PAPPA2: variants seen among roughly 807,000 people sequenced by gnomAD.
PAPPA2 encodes the protein pappalysin 2.
PAPPA2 carries 86 observed loss-of-function variants against 176.4 expected under a neutral mutation model. The ratio of observed to expected loss-of-function variants is 0.49; its 90% CI spans 0.41 to 0.58. The LOEUF (loss-of-function observed/expected upper bound fraction) is 0.58. Ranked by LOEUF, PAPPA2 falls within the 20% of genes least tolerant of loss-of-function variation. The probability of loss-of-function intolerance (pLI) is 0.00; values close to 1 mark genes in which losing one functional copy is unlikely to be tolerated. For missense variants in PAPPA2, 2,073 were observed against 2,256.9 expected (o/e 0.92, Z 1.65); for synonymous variants, 809 against 852.2 (o/e 0.95, Z 0.88).
At chr1:176,618,282 T>A (rs1184772540) in intron 3 of PAPPA2, among the ~76,000 whole-genome samples, 8 of 152,194 alleles carry the variant, frequency 5.3e-5, no homozygotes, top group Admixed American at 5.2e-4. Flanking sequence ...GAGTCCCATT[T>A]TGTCAAAACA....
At chr1:176,661,044 C>G (rs1658331268) in intron 3 of PAPPA2, among the ~76,000 whole-genome samples, 1 of 152,060 alleles carries the variant, frequency 6.6e-6, no homozygotes, top group South Asian at 2.1e-4. Context: ...ATGAATACCT[C>G]TTATGATTCT....
At chr1:176,700,762 A>T (rs1184010493) in intron 8 of PAPPA2, among the ~76,000 whole-genome samples, 1 of 152,242 alleles carries the variant, frequency 6.6e-6, no homozygotes, top group Admixed American at 6.5e-5. Context: ...CTCCCTTTTG[A>T]TGAAAGAGGC....
chr1:176,476,206 A>G (rs1652115012), intron 1 of PAPPA2, among the ~76,000 whole-genome samples: 1 of 152,146 alleles, frequency 6.6e-6, no homozygotes, highest in Admixed American at 6.5e-5. Context: ...CCAATACTCC[A>G]ATGTCTGAGT....
intron 2 of PAPPA2, among the ~76,000 whole-genome samples, chr1:176,581,806 T>C (rs955036589): frequency 2.0e-5 from 3 of 152,012 alleles, no homozygotes; most frequent in Non-Finnish European, 2.9e-5. Flanking sequence ...ATGTTGATTT[T>C]GTATCCTGCA....
chr1:176,584,051 T>G (rs1402999999), intron 2 of PAPPA2, among the ~76,000 whole-genome samples: 1 of 152,180 alleles, frequency 6.6e-6, no homozygotes, highest in Non-Finnish European at 1.5e-5. Context: ...CGAAAAAATA[T>G]TGTATTGACA....
At chr1:176,546,017 A>G (rs1362426316) in intron 1 of PAPPA2, among the ~76,000 whole-genome samples, 1 of 152,194 alleles carries the variant, frequency 6.6e-6, no homozygotes, top group East Asian at 1.9e-4. Flanking sequence ...GAGCATTAAT[A>G]TGGCATTTGT....
intron 15 of PAPPA2, among the ~76,000 whole-genome samples, chr1:176,768,367 T>C (rs957632568): frequency 6.6e-6 from 1 of 152,190 alleles, no homozygotes; most frequent in Non-Finnish European, 1.5e-5. Flanking sequence ...GCTCCTGTTA[T>C]ACCATCACAC....
intron 2 of PAPPA2, 95 bp from the exon 3 acceptor site, chr1:176,594,429 C>T (rs1319503355): frequency 1.4e-5 from 15 of 1,059,362 alleles, no homozygotes; most frequent in Non-Finnish European, 2.0e-5. Flanking sequence ...TAAAAACCTG[C>T]ATTCTTGTTA....
At chr1:176,482,048 AT>A (rs1345710050) in intron 1 of PAPPA2, among the ~76,000 whole-genome samples, 1 of 152,154 alleles carries the variant, frequency 6.6e-6, no homozygotes, top group African/African-American at 2.4e-5. Context: ...ATCTGTACAC[AT>A]TTCCTAATTA....
intron 14 of PAPPA2, among the ~76,000 whole-genome samples, chr1:176,758,379 A>G (rs1329769691): frequency 6.6e-6 from 1 of 152,114 alleles, no homozygotes; most frequent in Non-Finnish European, 1.5e-5. Context: ...TTTTTTCTCT[A>G]TTAGTTTGGA....
Position 176,683,516 on chromosome 1 carries a change from C to A in PAPPA2, c.2138-6621C>A, listed in dbSNP as rs148654881. On this transcript the variant is annotated intron_variant, in intron 4 of 22. Coordinates refer to ENST00000367662, the MANE Select transcript of PAPPA2 (RefSeq NM_020318.3). ...ATTCTTCTGTCATTAAACTTTCTTT[C>A]TATTTTGAGCCCCCATGCTGATGAG... is the stretch of plus-strand genomic sequence containing the variant. 4.9e-3 allele frequency among the ~76,000 whole-genome samples: 752 copies of A among 152,272 alleles called. 5 individuals carry two copies. The highest frequency in any genetic ancestry group is 0.017 in the African/African-American group (718 of 41,550).
At chr1:176,695,011 T>G (rs1437222444) in intron 6 of PAPPA2, among the ~76,000 whole-genome samples, 1 of 152,188 alleles carries the variant, frequency 6.6e-6, no homozygotes, top group Non-Finnish European at 1.5e-5. Context: ...ATTTGAATGG[T>G]TCTTGATGGG....
intron 14 of PAPPA2, among the ~76,000 whole-genome samples, chr1:176,762,199 A>G (rs1179488601): frequency 6.6e-6 from 1 of 152,162 alleles, no homozygotes; most frequent in Non-Finnish European, 1.5e-5. Context: ...AAGAATTTGC[A>G]GCAGCTGCCC....
chr1:176,507,588 G>A (rs917186141), intron 1 of PAPPA2, among the ~76,000 whole-genome samples: 1 of 152,136 alleles, frequency 6.6e-6, no homozygotes, highest in African/African-American at 2.4e-5. Flanking sequence ...ATACATCATG[G>A]AATACTACAC....
In PAPPA2 at chr1:176,844,106, A is replaced by G. The variant is rs1222744072; in HGVS notation, c.*1652A>G. ...CGGTTTCTGGATTAGACCCTAGGGA[A>G]AGTGAGTAAGGAGCCAGTTTCTGTT... On this transcript the variant is annotated 3_prime_UTR_variant, in exon 23 of 23. Coordinates refer to ENST00000367662, the MANE Select transcript of PAPPA2 (RefSeq NM_020318.3). The G allele has an allele frequency of 6.6e-6, 1 of 152,134 alleles. No homozygotes were observed. Among genetic ancestry groups the G allele is most frequent in the Non-Finnish European group, 1.5e-5 (1 of 68,018 alleles). The allele number at this position is 152,134 out of a possible 1,614,324, so 9.4% of individuals were successfully genotyped here.
At chr1:176,501,753 TA>T (rs1386249869) in intron 1 of PAPPA2, among the ~76,000 whole-genome samples, 1 of 152,106 alleles carries the variant, frequency 6.6e-6, no homozygotes, top group Non-Finnish European at 1.5e-5. Flanking sequence ...AGTGGCTGAG[TA>T]AAAAACAACA....
chr1:176,518,943 C>T (rs979386456), intron 1 of PAPPA2, among the ~76,000 whole-genome samples: 1 of 152,138 alleles, frequency 6.6e-6, no homozygotes, highest in African/African-American at 2.4e-5. Flanking sequence ...GGTAAATGTT[C>T]ACATATGTCG....
intron 14 of PAPPA2, among the ~76,000 whole-genome samples, chr1:176,760,067 T>C (rs1351622359): frequency 6.6e-6 from 1 of 152,246 alleles, no homozygotes; most frequent in African/African-American, 2.4e-5. Context: ...ATTTTTCCTT[T>C]GTTCTGTCTG....
At chr1:176,665,215 T>C (rs1475923523) in intron 3 of PAPPA2, among the ~76,000 whole-genome samples, 2 of 152,310 alleles carry the variant, frequency 1.3e-5, no homozygotes, top group East Asian at 1.9e-4. Context: ...ATTAGCTCAA[T>C]ATGTAACTAT....
Sources: allele counts gnomAD v4.1 joint callset (sites outside exome capture counted in the v4.1 genomes callset), GRCh38; gene constraint gnomAD v4.1.1; transcripts MANE v1.5; gene names NCBI Gene and HGNC (gene_info 2026-07-23, HGNC 2026-07-21).